The following ERFL variants were observed in gnomAD, a reference collection of about 807,000 sequenced individuals.
ERFL encodes ETS repressor factor like.
ERFL carries 8 observed loss-of-function variants against 27.9 expected under a neutral mutation model. That is an observed-to-expected ratio of 0.29 (90% CI 0.17 to 0.52). ERFL has a LOEUF of 0.52. Among genes scored for constraint, ERFL ranks in the 20% least tolerant of loss-of-function variants. The probability of loss-of-function intolerance (pLI) is 0.97; values close to 1 mark genes in which losing one functional copy is unlikely to be tolerated. For synonymous variants in ERFL, 174 were observed against 202.8 expected (o/e 0.86, Z 1.21); for missense variants, 294 against 444.4 (o/e 0.66, Z 3.04).
At chr19:41,911,917 A>G (rs1555851296) in intron 2 of ERFL, among the ~76,000 whole-genome samples, 1 of 151,920 alleles carries the variant, frequency 6.6e-6, no homozygotes, top group Non-Finnish European at 1.5e-5. Context: ...TCATGTGCAC[A>G]TGGACCCTAC....
At chr19:41,927,276 C>T (rs950537852) in intron 1 of ERFL, among the ~76,000 whole-genome samples, 4 of 152,122 alleles carry the variant, frequency 2.6e-5, no homozygotes, top group African/African-American at 9.7e-5. Context: ...AGGGCCCCGG[C>T]CCCACGAAGG....
chr19:41,912,809 C>T (rs2145885515), intron 2 of ERFL, 44 bp downstream of exon 2: 1 of 720,272 alleles, frequency 1.4e-6, no homozygotes, highest in South Asian at 7.0e-5. Context: ...ACTGGGGAAG[C>T]CTGAGGGGTG....
At position 41,916,017 on chromosome 19, in the gene ERFL, C is replaced by T. The variant is rs548345124; in HGVS notation, c.-13-3085G>A. On this transcript the variant is annotated intron_variant, in intron 1 of 5. Transcript: ENST00000597630. The surrounding 1 kb of genome is among the most constrained non-coding windows in gnomAD (Gnocchi z 5.4). The stretch of plus-strand genomic sequence containing the variant: ...TTTAATTTTATTTTGCTTCCTCCAC[C>T]CCCCCTTCGCCCCCCATCTCTACCG... Among the ~76,000 whole-genome samples, 5 of 151,912 alleles carry T rather than the reference C, an allele frequency of 3.3e-5. No individual in the cohort carries two copies. Among genetic ancestry groups the T allele is most frequent in the African/African-American group, 1.2e-4 (5 of 41,366 alleles).
At chr19:41,913,097 C>G (rs1347176205) in intron 1 of ERFL, among the ~76,000 whole-genome samples, 165 bp from the exon 2 acceptor site, 1 of 152,018 alleles carries the variant, frequency 6.6e-6, no homozygotes, top group Non-Finnish European at 1.5e-5. Context: ...GCAGGCACCG[C>G]TCTGTCCCCA....
chr19:41,912,264 A>G (rs1441809967), intron 2 of ERFL, among the ~76,000 whole-genome samples: 1 of 152,168 alleles, frequency 6.6e-6, no homozygotes, highest in East Asian at 1.9e-4. Context: ...ACAGGGACAC[A>G]CTGAAATGAG....
rs1250398305 is a variant in ERFL, at chr19:41,914,832, TTCCACCGTCTCTGTCTCTCCCCCCC to T, written c.-13-1925_-13-1901del. Among the ~76,000 whole-genome samples the T allele has an allele frequency of 8.7e-4, 8 of 9,242 alleles. 2 individuals carry two copies. Among genetic ancestry groups the T allele is most frequent in the Non-Finnish European group, 8.2e-4 (4 of 4,906 alleles). The allele number at this position is 9,242 out of a possible 152,430, so 6.1% of individuals were successfully genotyped here. On this transcript the variant is annotated intron_variant, in intron 1 of 5. Transcript: ENST00000597630. ...CCCCCTCCACCGTGTCTCCCCCCCTTTCCACCGTCTCTGTCTCTCCCCCCCTCCACCATCTCTGTCTCTCCCTCCC... is the reference window on the plus strand; with the variant it reads ...CCCCCTCCACCGTGTCTCCCCCCCTTTCCACCATCTCTGTCTCTCCCTCCC...
chr19:41,927,089 T>C (rs2074876171), intron 1 of ERFL, among the ~76,000 whole-genome samples: 1 of 150,122 alleles, frequency 6.7e-6, no homozygotes, highest in South Asian at 2.1e-4. Flanking sequence ...AAGAGAGAGA[T>C]GCTGTGAGAG....
In ERFL at chr19:41,917,456, C is replaced by G. The variant is rs1444240446; in HGVS notation, c.-13-4524G>C. 6.6e-6 allele frequency among the ~76,000 whole-genome samples: 1 copy of G among 151,744 alleles called. No individual in the cohort carries two copies. The highest frequency in any genetic ancestry group is 6.6e-5 in the Admixed American group (1 of 15,262). On this transcript the variant is annotated intron_variant, in intron 1 of 5. Transcript: ENST00000597630. The surrounding 1 kb of genome is among the most constrained non-coding windows in gnomAD (Gnocchi z 4.8). ...CGGGCCTCGCACCCCCACCACCAGC[C>G]CCTTCATCCCTCACCCAGGCCCCCC...
chr19:41,912,651 C>T (rs981858247), intron 2 of ERFL, among the ~76,000 whole-genome samples: 2 of 152,226 alleles, frequency 1.3e-5, no homozygotes, highest in South Asian at 2.1e-4. Flanking sequence ...CCCCCCAGCA[C>T]GCAGGGGGCA....
Position 41,907,853 on chromosome 19 carries a change from TG to T in ERFL, c.*374del, listed in dbSNP as rs11315010. On this transcript the variant is annotated 3_prime_UTR_variant, in exon 6 of 6. Coordinates refer to ENST00000597630, the MANE Select transcript of ERFL (RefSeq NM_001365103.2). Reference sequence around the variant, plus strand: ...CTCCCTGTCCCCAGGGGGGCCTATATGGGGGGGGTGTCAGGACTGGGGCCAG... The same window carrying T: ...CTCCCTGTCCCCAGGGGGGCCTATATGGGGGGGTGTCAGGACTGGGGCCAG... 32,673 of 141,168 alleles carry T rather than the reference TG, an allele frequency of 0.23. 10,313 individuals are homozygous for T. The highest frequency in any genetic ancestry group is 0.73 in the African/African-American group (28,093 of 38,652). The allele number at this position is 141,168 out of a possible 1,614,324, so 8.7% of individuals were successfully genotyped here.
chr19:41,909,816 T>C lies in ERFL; in HGVS notation c.302+47A>G, dbSNP rs1305714616. 4.6e-6 allele frequency: 7 copies of C among 1,529,266 alleles called. No homozygotes were observed. Among genetic ancestry groups the C allele is most frequent in the Non-Finnish European group, 6.2e-6 (7 of 1,134,716 alleles). The allele number at this position is 1,529,266 out of a possible 1,614,324, so 94.7% of individuals were successfully genotyped here. A position where few individuals can be genotyped will look rare whatever the true frequency, so the allele number is the denominator to read the frequency against. On this transcript the variant is annotated intron_variant, in intron 3 of 5. Coordinates refer to ENST00000597630, the MANE Select transcript of ERFL (RefSeq NM_001365103.2). The surrounding 1 kb of genome is among the most constrained non-coding windows in gnomAD (Gnocchi z 5.2). ...TGCAGAGGGGGCACCAGAGGGACAGTTGGGGGAAAAGGACAAGGTGGGATC... is the reference window on the plus strand; with the variant it reads ...TGCAGAGGGGGCACCAGAGGGACAGCTGGGGGAAAAGGACAAGGTGGGATC...
intron 1 of ERFL, among the ~76,000 whole-genome samples, chr19:41,915,220 C>CACGTTATAA (rs1555851860): frequency 6.7e-6 from 1 of 148,156 alleles, no homozygotes; most frequent in East Asian, 2.0e-4. Context: ...CTCCTCCGGA[C>CACGTTATAA]ACGTTATAAC....
At chr19:41,926,683 G>A (rs1009915744) in intron 1 of ERFL, among the ~76,000 whole-genome samples, 3 of 152,098 alleles carry the variant, frequency 2.0e-5, no homozygotes, top group Non-Finnish European at 4.4e-5. Flanking sequence ...TTGGCGATGC[G>A]GAGCGCGTCT....
At position 41,907,973 on chromosome 19, in the gene ERFL, G is replaced by A. The variant is rs2074727357; in HGVS notation, c.*255C>T. 2.6e-6 allele frequency: 1 copy of A among 387,566 alleles called. No homozygotes were observed. Among genetic ancestry groups the A allele is most frequent in the Admixed American group, 4.5e-5 (1 of 22,320 alleles). The allele number at this position is 387,566 out of a possible 1,614,324, so 24.0% of individuals were successfully genotyped here. A position where few individuals can be genotyped will look rare whatever the true frequency, so the allele number is the denominator to read the frequency against. On this transcript the variant is annotated 3_prime_UTR_variant, in exon 6 of 6. Coordinates refer to ENST00000597630, the MANE Select transcript of ERFL (RefSeq NM_001365103.2). ...GGCTGGGCGCCATATTGCACTTTGG[G>A]AGTGGGGCCAGGCGGGGACCCCCCT...
intron 1 of ERFL, among the ~76,000 whole-genome samples, chr19:41,913,835 C>CA (rs1249824136): frequency 6.8e-4 from 102 of 151,102 alleles, no homozygotes; most frequent in African/African-American, 2.4e-3. Context: ...CTCCCTCTCA[C>CA]ACCCCTCCGC....
chr19:41,908,399 G>T lies in ERFL; in HGVS notation c.894C>A (p.Arg298=). 2 of 1,231,288 alleles carry T rather than the reference G, an allele frequency of 1.6e-6. No homozygotes were observed. The highest frequency in any genetic ancestry group is 2.0e-6 in the Non-Finnish European group (2 of 987,654). 76.3% of individuals were successfully genotyped at this position (1,231,288 alleles called of 1,614,324 possible). The part of the protein sequence containing the change: ...ERPSGLAAAP[R]LALPGAGGPE... ...GACCCCCAGCCCCTGGCAGCGCCAG[G>T]CGAGGGGCCGCTGCCAGGCCCGAGG... The change falls in exon 6 of 6, where the codon CGC becomes CGA. Residue 298 remains arginine, a synonymous_variant. Transcript: ENST00000597630. The surrounding 1 kb of genome is among the most constrained non-coding windows in gnomAD (Gnocchi z 6.7).
intron 1 of ERFL, among the ~76,000 whole-genome samples, chr19:41,924,781 C>G (rs896295465): frequency 3.9e-5 from 6 of 152,058 alleles, no homozygotes; most frequent in Non-Finnish European, 7.4e-5. Context: ...GAGGAAGGCG[C>G]TCCTCGAGGA....
At position 41,908,244 on chromosome 19, in the gene ERFL, C is replaced by T; in HGVS notation, c.1049G>A (p.Gly350Glu). ...PAPPKAKAGK[G>E]GTGS ...CCTGCCGGCTCAGCTGCCGGTCCCC[C>T]CTTTGCCCGCCTTTGCCTTGGGGGG... is the stretch of plus-strand genomic sequence containing the variant. The change falls in exon 6 of 6, where the codon GGG becomes GAG. Residue 350 changes from glycine (G) to glutamate (E), a missense_variant. This residue lies in a region of ERFL where 246 missense variants were observed against 371.4 expected (regional missense o/e 0.66). Transcript: ENST00000597630. This position sits in a 1 kb window ranked among gnomAD's most constrained non-coding sequence, Gnocchi z 6.7. The T allele has an allele frequency of 1.6e-6, 2 of 1,231,732 alleles. No individual in the cohort carries two copies. Among genetic ancestry groups the T allele is most frequent in the Non-Finnish European group, 2.0e-6 (2 of 987,968 alleles). The allele number at this position is 1,231,732 out of a possible 1,614,324, so 76.3% of individuals were successfully genotyped here. A position where few individuals can be genotyped will look rare whatever the true frequency, so the allele number is the denominator to read the frequency against.
chr19:41,911,546 A>G (rs2074751462), intron 2 of ERFL, among the ~76,000 whole-genome samples: 1 of 152,072 alleles, frequency 6.6e-6, no homozygotes, highest in African/African-American at 2.4e-5. Context: ...TGGTGTAGAA[A>G]AGTGGGTGCT....
Sources: gnomAD v4.1 joint callset for allele counts (sites outside exome capture counted in the v4.1 genomes callset) on GRCh38, gnomAD v4.1.1 for gene constraint, gnomAD v4.1.1 regional missense constraint, Gnocchi (gnomAD v3.1) non-coding constraint, MANE v1.5 for transcripts, NCBI Gene and HGNC (gene_info 2026-07-23, HGNC 2026-07-21) for gene names.